ARHGEF3: variants seen among roughly 807,000 people sequenced by gnomAD.
The protein encoded by ARHGEF3 is Rho guanine nucleotide exchange factor 3.
A neutral mutation model predicts 63.2 loss-of-function variants in ARHGEF3; 28 were observed. The observed-to-expected ratio is 0.44, with a 90% confidence interval of 0.33 to 0.61. The LOEUF (loss-of-function observed/expected upper bound fraction) is 0.61. Among genes scored for constraint, ARHGEF3 ranks in the 20% least tolerant of loss-of-function variants. The pLI is 0.03. For synonymous variants in ARHGEF3, 266 were observed against 254.2 expected, an observed-to-expected ratio of 1.05 and a Z score of -0.44; for missense variants, 533 against 659.3, an observed-to-expected ratio of 0.81 and a Z score of 2.10.
At chr3:56,925,508 C>T (rs895594256) in intron 3 of ARHGEF3, among the ~76,000 whole-genome samples, 11 of 152,226 alleles carry the variant, frequency 7.2e-5, no homozygotes, top group East Asian at 1.9e-4. Context: ...CTTCCCACTA[C>T]TTATCACATC....
intron 2 of ARHGEF3, among the ~76,000 whole-genome samples, chr3:56,974,938 G>A (rs1214404135): frequency 1.3e-5 from 2 of 151,974 alleles, no homozygotes; most frequent in African/African-American, 4.8e-5. Context: ...GCCTTCCCAC[G>A]CACCGACACT....
intron 4 of ARHGEF3, among the ~76,000 whole-genome samples, chr3:56,858,043 G>A (rs1227382692): frequency 6.6e-6 from 1 of 152,034 alleles, no homozygotes; most frequent in Non-Finnish European, 1.5e-5. Flanking sequence ...AGGAGTTTAA[G>A]ACTAGCCTAG....
chr3:56,791,086 A>G (rs372014393), intron 1 of ARHGEF3, among the ~76,000 whole-genome samples: 1 of 152,150 alleles, frequency 6.6e-6, no homozygotes, highest in Admixed American at 6.5e-5. Context: ...TTAGGTCTGC[A>G]GAGTTCAGAA....
chr3:56,850,078 A>G (rs1479602454), intron 4 of ARHGEF3, among the ~76,000 whole-genome samples: 1 of 152,036 alleles, frequency 6.6e-6, no homozygotes, highest in East Asian at 1.9e-4. Flanking sequence ...CCCGAGCCTT[A>G]TCAACACTGT....
At position 56,967,952 on chromosome 3, in the gene ARHGEF3, TATATATAAA is replaced by T. The variant is rs1398376781; in HGVS notation, c.63-9072_63-9064del. Among the ~76,000 whole-genome samples, 6 of 54,684 alleles carry T rather than the reference TATATATAAA, an allele frequency of 1.1e-4. 1 individual carries two copies. Among genetic ancestry groups the T allele is most frequent in the Non-Finnish European group, 1.8e-4 (6 of 32,884 alleles). 35.9% of individuals were successfully genotyped at this position (54,684 alleles called of 152,430 possible). On this transcript the variant is annotated intron_variant, in intron 2 of 12. Transcript: ENST00000338458. Reference sequence around the variant, plus strand: ...ATAATATAAAATATATTATATATTATATATATAAAATATATTTTATATTATAGTTTATAT... The same window carrying T: ...ATAATATAAAATATATTATATATTATATATATTTTATATTATAGTTTATAT...
chr3:56,764,497 G>C (rs865902676), intron 2 of ARHGEF3, among the ~76,000 whole-genome samples: 1 of 152,074 alleles, frequency 6.6e-6, no homozygotes, highest in Non-Finnish European at 1.5e-5. Context: ...ATAAGCCTAC[G>C]GCAGGAGAGG....
chr3:56,872,573 G>C (rs956692178), intron 4 of ARHGEF3, among the ~76,000 whole-genome samples: 68 of 148,128 alleles, frequency 4.6e-4, no homozygotes, highest in Admixed American at 2.1e-3. Flanking sequence ...GCAGTGGCAC[G>C]ATCTTGGCTC....
intron 3 of ARHGEF3, among the ~76,000 whole-genome samples, chr3:56,925,150 G>A (rs1045295471): frequency 3.3e-5 from 5 of 152,386 alleles, no homozygotes; most frequent in East Asian, 1.9e-4. Context: ...CCCATTCTGC[G>A]AGGGTGGTGG....
At chr3:57,018,278 C>CAAAAAAA (rs57400379) in intron 2 of ARHGEF3, among the ~76,000 whole-genome samples, 1 of 111,620 alleles carries the variant, frequency 9.0e-6, no homozygotes, top group Non-Finnish European at 1.9e-5. Flanking sequence ...GGCTCTGTCA[C>CAAAAAAA]AAAAAAAAAA....
At position 56,899,797 on chromosome 3, in the gene ARHGEF3, A is replaced by G. The variant is rs550585818; in HGVS notation, c.130-17443T>C. 7.2e-5 allele frequency among the ~76,000 whole-genome samples: 11 copies of G among 152,350 alleles called. No individual in the cohort carries two copies. In the South Asian group the frequency reaches 8.3e-4, roughly 11 times the overall value. On this transcript the variant is annotated intron_variant, in intron 3 of 12. Transcript: ENST00000338458. ...CAACTCTCTGTTCCCCTATGCCCTGAGATGACTGAAAAGGGACGCCTCCTT... is the reference window on the plus strand; with the variant it reads ...CAACTCTCTGTTCCCCTATGCCCTGGGATGACTGAAAAGGGACGCCTCCTT...
chr3:56,775,325 C>A, intron 1 of ARHGEF3: 1 of 1,177,274 alleles, frequency 8.5e-7, no homozygotes, highest in Non-Finnish European at 1.1e-6. Flanking sequence ...AAATCAACAG[C>A]CTTCTTTGAA....
intron 2 of ARHGEF3, among the ~76,000 whole-genome samples, chr3:57,001,297 T>C (rs545906490): frequency 2.6e-5 from 4 of 152,262 alleles, no homozygotes; most frequent in Non-Finnish European, 5.9e-5. Flanking sequence ...CGTTGATGCA[T>C]GCAGGTGATA....
intron 4 of ARHGEF3, among the ~76,000 whole-genome samples, chr3:56,817,008 C>T (rs1430117890): frequency 3.3e-5 from 5 of 152,178 alleles, no homozygotes; most frequent in African/African-American, 1.2e-4. Flanking sequence ...GGGTTGGATG[C>T]TCACTCAAGT....
intron 3 of ARHGEF3, among the ~76,000 whole-genome samples, chr3:56,951,021 T>C (rs1311478133): frequency 6.6e-6 from 1 of 151,314 alleles, no homozygotes; most frequent in African/African-American, 2.4e-5. Flanking sequence ...CAGCAAACTA[T>C]CGCAAGGACA....
At chr3:57,042,677 TATATATATATATA>T (rs1417256155) in intron 1 of ARHGEF3, among the ~76,000 whole-genome samples, 757 of 35,300 alleles carry the variant, frequency 0.021, 58 homozygotes, top group South Asian at 0.079. Context: ...TATATATATA[TATATATATATATA>T]TATATATATA....
chr3:56,977,710 C>T (rs1701177778), intron 2 of ARHGEF3, among the ~76,000 whole-genome samples: 1 of 152,110 alleles, frequency 6.6e-6, no homozygotes, highest in Non-Finnish European at 1.5e-5. Context: ...TGGTGCCTGG[C>T]AGGGCTGGAA....
At position 56,739,051 on chromosome 3, in the gene ARHGEF3, C is replaced by A. The variant is rs531024754; in HGVS notation, c.871-1696G>T. Among the ~76,000 whole-genome samples, 16 of 152,170 alleles carry A rather than the reference C, an allele frequency of 1.1e-4. No homozygotes were observed. The East Asian group carries it at 1.5e-3, about 15-fold the overall frequency. On this transcript the variant is annotated intron_variant, in intron 7 of 9. Transcript: ENST00000296315. ...CAGAGGTTGCAGTGAGCCGAGATCA[C>A]GCCACCGCACTTCAGCCTGGGTGAC... is the stretch of plus-strand genomic sequence containing the variant.
intron 1 of ARHGEF3, among the ~76,000 whole-genome samples, chr3:57,067,121 T>C (rs1206186421): frequency 1.3e-5 from 2 of 152,172 alleles, no homozygotes; most frequent in Non-Finnish European, 2.9e-5. Context: ...TAAAAATATA[T>C]TTTTTAAAAA....
intron 3 of ARHGEF3, among the ~76,000 whole-genome samples, chr3:56,951,184 C>T (rs1264035039): frequency 1.3e-5 from 2 of 151,048 alleles, no homozygotes; most frequent in Non-Finnish European, 2.9e-5. Flanking sequence ...TGTTAAATGA[C>T]AAGTTAATGG....
Sources: gnomAD v4.1 joint callset for allele counts (sites outside exome capture counted in the v4.1 genomes callset) on GRCh38, gnomAD v4.1.1 for gene constraint, MANE v1.5 for transcripts, NCBI Gene and HGNC (gene_info 2026-07-23, HGNC 2026-07-21) for gene names.